ABCB1: variants seen among roughly 807,000 people sequenced by gnomAD.
ABCB1 encodes the protein ATP-dependent translocase ABCB1.
In ABCB1, 69 loss-of-function variants were observed where a neutral mutation model predicts 142.0. The observed-to-expected ratio is 0.49, with a 90% CI of 0.40 to 0.59. ABCB1 has a LOEUF of 0.59. Ranked by LOEUF, ABCB1 falls within the 20% of genes least tolerant of loss-of-function variation. The pLI is 0.00. For missense variants in ABCB1, 1,326 were observed against 1,554.7 expected (o/e 0.85, Z 2.47); for synonymous variants, 532 against 539.2 (o/e 0.99, Z 0.18).
intron 1 of ABCB1, among the ~76,000 whole-genome samples, chr7:87,614,309 A>G (rs1436044449): frequency 6.6e-6 from 1 of 152,180 alleles, no homozygotes; most frequent in Non-Finnish European, 1.5e-5. Context: ...AGGCAGGAAG[A>G]TTACTTAAGC....
intron 21 of ABCB1, among the ~76,000 whole-genome samples, chr7:87,530,004 G>A (rs1815960264): frequency 6.6e-6 from 1 of 152,156 alleles, no homozygotes; most frequent in African/African-American, 2.4e-5. Context: ...ACTACAGCTG[G>A]CCCAAAAGAT....
intron 3 of ABCB1, among the ~76,000 whole-genome samples, chr7:87,594,244 T>C (rs1819106290): frequency 6.6e-6 from 1 of 152,180 alleles, no homozygotes; most frequent in South Asian, 2.1e-4. Flanking sequence ...AGTGAACATG[T>C]CTGGCTCCAG....
chr7:87,558,329 T>A (rs1040900232), intron 8 of ABCB1, among the ~76,000 whole-genome samples: 1 of 152,208 alleles, frequency 6.6e-6, no homozygotes, highest in Non-Finnish European at 1.5e-5. Context: ...AAATACTATA[T>A]ATTTTCTAAT....
chr7:87,697,185 TTC>T (rs1828567258), intron 1 of ABCB1, among the ~76,000 whole-genome samples: 1 of 152,202 alleles, frequency 6.6e-6, no homozygotes, highest in Admixed American at 6.5e-5. Context: ...TGCTTTATCT[TTC>T]TCTGTGGTTA....
intron 4 of ABCB1, among the ~76,000 whole-genome samples, chr7:87,581,242 C>A (rs1040707313): frequency 5.3e-5 from 8 of 152,242 alleles, no homozygotes; most frequent in Admixed American, 3.9e-4. Context: ...CAGGCACACA[C>A]CACCACACCC....
chr7:87,597,004 A>C (rs1264908403), intron 2 of ABCB1, among the ~76,000 whole-genome samples: 8 of 152,090 alleles, frequency 5.3e-5, no homozygotes. Context: ...TGGCTAAGTA[A>C]GCACTTCCCA....
intron 1 of ABCB1, among the ~76,000 whole-genome samples, chr7:87,653,233 TTTTA>T (rs1458673446): frequency 1.3e-5 from 2 of 152,068 alleles, no homozygotes; most frequent in African/African-American, 4.8e-5. Context: ...ATTTTTGAAC[TTTTA>T]TTTATTTATT....
intron 21 of ABCB1, among the ~76,000 whole-genome samples, chr7:87,525,741 G>C (rs1227474320): frequency 6.6e-6 from 1 of 152,082 alleles, no homozygotes; most frequent in East Asian, 1.9e-4. Flanking sequence ...TGCTGTCTCA[G>C]GGGTGGCAGA....
intron 20 of ABCB1, among the ~76,000 whole-genome samples, chr7:87,533,408 C>T (rs1816147987): frequency 6.6e-6 from 1 of 152,068 alleles, no homozygotes; most frequent in African/African-American, 2.4e-5. Flanking sequence ...AAATGTGCAG[C>T]TTTGGATAGT....
intron 1 of ABCB1, among the ~76,000 whole-genome samples, chr7:87,637,686 AATC>A (rs1364244085): frequency 6.6e-6 from 1 of 152,060 alleles, no homozygotes; most frequent in African/African-American, 2.4e-5. Flanking sequence ...TGGTAACTGA[AATC>A]ATTGAAAACT....
chr7:87,564,906 A>G (rs1817725664), intron 7 of ABCB1, among the ~76,000 whole-genome samples: 2 of 152,218 alleles, frequency 1.3e-5, no homozygotes, highest in South Asian at 4.1e-4. Flanking sequence ...TTTGCCACCT[A>G]ACTTGCTTAA....
At chr7:87,652,186 A>G (rs1389112596) in intron 1 of ABCB1, among the ~76,000 whole-genome samples, 1 of 152,120 alleles carries the variant, frequency 6.6e-6, no homozygotes, top group African/African-American at 2.4e-5. Context: ...GTTCATGAGA[A>G]TTTTACCTTA....
At chr7:87,574,432 A>T (rs1281375791) in intron 4 of ABCB1, among the ~76,000 whole-genome samples, 1 of 152,194 alleles carries the variant, frequency 6.6e-6, no homozygotes, top group Non-Finnish European at 1.5e-5. Flanking sequence ...AATAGAAATT[A>T]TGTTATACAA....
intron 4 of ABCB1, among the ~76,000 whole-genome samples, chr7:87,572,334 A>C (rs1818087671): frequency 6.6e-6 from 1 of 152,222 alleles, no homozygotes; most frequent in Non-Finnish European, 1.5e-5. Context: ...AATTTAAATA[A>C]ATGTTCTTCA....
intron 1 of ABCB1, among the ~76,000 whole-genome samples, chr7:87,624,897 T>C (rs1352506719): frequency 1.3e-5 from 2 of 152,208 alleles, no homozygotes; most frequent in African/African-American, 4.8e-5. Flanking sequence ...ACAGCTTGTT[T>C]ATGGCAAAGT....
intron 1 of ABCB1, among the ~76,000 whole-genome samples, chr7:87,669,226 A>G (rs541289467): frequency 2.0e-5 from 3 of 152,104 alleles, no homozygotes; most frequent in South Asian, 4.2e-4. Flanking sequence ...TTTACCATTA[A>G]GTAATGCCCT....
intron 4 of ABCB1, among the ~76,000 whole-genome samples, chr7:87,583,679 T>C (rs897715144): frequency 6.6e-6 from 1 of 152,192 alleles, no homozygotes; most frequent in Non-Finnish European, 1.5e-5. Context: ...CATCATCTGT[T>C]TGGGAGCTCA....
chr7:87,638,330 T>C (rs1206706605), intron 1 of ABCB1, among the ~76,000 whole-genome samples: 1 of 145,758 alleles, frequency 6.9e-6, no homozygotes, highest in Non-Finnish European at 1.5e-5. Context: ...ATAAAACAAG[T>C]TAGGAAGTAT....
At chr7:87,570,550 A>T (rs1818005947) in intron 4 of ABCB1, among the ~76,000 whole-genome samples, 1 of 152,200 alleles carries the variant, frequency 6.6e-6, no homozygotes, top group Non-Finnish European at 1.5e-5. Flanking sequence ...CTAAAGAAAA[A>T]TCTTTTGTCC....
Sources: gnomAD v4.1 joint callset for allele counts (sites outside exome capture counted in the v4.1 genomes callset) on GRCh38, gnomAD v4.1.1 for gene constraint, MANE v1.5 for transcripts, NCBI Gene and HGNC (gene_info 2026-07-23, HGNC 2026-07-21) for gene names.